The following WHRN variants were observed in gnomAD, a reference collection of about 807,000 sequenced individuals.
The protein encoded by WHRN is CASK-interacting protein CIP98.
WHRN carries 41 observed loss-of-function variants against 68.3 expected under a neutral mutation model. That is an observed-to-expected ratio of 0.60 (90% CI 0.47 to 0.78). The LOEUF (loss-of-function observed/expected upper bound fraction) is 0.78. Among genes scored for constraint, WHRN ranks in the 30% least tolerant of loss-of-function variants. The pLI, the probability that WHRN is intolerant of heterozygous loss-of-function variation, is 0.00. For synonymous variants in WHRN, 560 were observed against 561.3 expected (o/e 1.00, Z 0.03); for missense variants, 1,243 against 1,244.7 (o/e 1.00, Z 0.02).
chr9:114,425,725 G>GT (rs1589111825), intron 4 of WHRN: 2 of 248,790 alleles, frequency 8.0e-6, no homozygotes, highest in East Asian at 2.0e-4. Flanking sequence ...ATCAAAAGGT[G>GT]ACACATTACA....
chr9:114,458,996 C>A (rs574334565), intron 3 of WHRN, among the ~76,000 whole-genome samples: 1 of 152,272 alleles, frequency 6.6e-6, no homozygotes, highest in East Asian at 1.9e-4. Flanking sequence ...GCATCACTTG[C>A]CCAAGGTCAC....
intron 4 of WHRN, chr9:114,425,696 C>G (rs10982212): frequency 0.3 from 68,823 of 232,138 alleles, 10,643 homozygotes; most frequent in Admixed American, 0.38. Context: ...TGGCCACCAG[C>G]CTGAGATTTC....
At chr9:114,439,718 C>T (rs1014817954) in intron 3 of WHRN, among the ~76,000 whole-genome samples, 1 of 152,126 alleles carries the variant, frequency 6.6e-6, no homozygotes, top group Non-Finnish European at 1.5e-5. Flanking sequence ...TGGGTTTAAA[C>T]TGTGTAGGTA....
At chr9:114,483,321 G>A (rs1157150600) in intron 1 of WHRN, among the ~76,000 whole-genome samples, 1 of 152,154 alleles carries the variant, frequency 6.6e-6, no homozygotes, top group Non-Finnish European at 1.5e-5. Flanking sequence ...GCTGTTTAAT[G>A]CCACTAAAAT....
At chr9:114,408,773 T>G (rs1835219476) in intron 7 of WHRN, among the ~76,000 whole-genome samples, 1 of 152,182 alleles carries the variant, frequency 6.6e-6, no homozygotes, top group Non-Finnish European at 1.5e-5. Flanking sequence ...TGGTAAAACA[T>G]TATTTCTGGG....
intron 6 of WHRN, 81 bp from the exon 7 acceptor site, chr9:114,423,604 T>C (rs1836525030): frequency 7.1e-7 from 1 of 1,402,036 alleles, no homozygotes; most frequent in African/African-American, 1.4e-5. Flanking sequence ...CCCAAAGGAC[T>C]GGCATGCAAA....
At chr9:114,412,544 A>G (rs1016391715) in intron 7 of WHRN, among the ~76,000 whole-genome samples, 1 of 152,234 alleles carries the variant, frequency 6.6e-6, no homozygotes, top group Admixed American at 6.5e-5. Context: ...CAGGGCAGAA[A>G]GCTGAACTCT....
Position 114,424,852 on chromosome 9 carries a change from G to C in WHRN, c.1203+136C>G, listed in dbSNP as rs924669193. The C allele has an allele frequency of 3.0e-6, 3 of 1,006,000 alleles. No homozygotes were observed. In the Admixed American group the frequency reaches 5.1e-5, roughly 17 times the overall value. 62.3% of individuals were successfully genotyped at this position (1,006,000 alleles called of 1,614,324 possible). On this transcript the variant is annotated intron_variant, in intron 5 of 11. Coordinates refer to ENST00000362057, the MANE Select transcript of WHRN (RefSeq NM_015404.4). ...CTAGCAGTCAGTCACAGATAAGTGG[G>C]CTGGGGGGTGGGCAGATAAGGGGCT...
chr9:114,486,911 G>A (rs1842517218), intron 1 of WHRN, among the ~76,000 whole-genome samples: 1 of 113,988 alleles, frequency 8.8e-6, no homozygotes, highest in African/African-American at 3.2e-5. Context: ...TGTGTAGAGT[G>A]TGTGTGTGTG....
intron 1 of WHRN, among the ~76,000 whole-genome samples, chr9:114,487,415 C>CT (rs1189728429): frequency 1.3e-5 from 2 of 152,070 alleles, no homozygotes; most frequent in Non-Finnish European, 2.9e-5. Context: ...TCTGCTCCAT[C>CT]TTTTTTTCCA....
At chr9:114,425,353 G>C (rs1836728556) in intron 4 of WHRN, 3 of 602,852 alleles carry the variant, frequency 5.0e-6, no homozygotes, top group Non-Finnish European at 8.8e-6. Flanking sequence ...CAACCTCAGG[G>C]TCAGGCCAAC....
chr9:114,493,936 C>T (rs1406322689), intron 1 of WHRN, among the ~76,000 whole-genome samples: 1 of 152,202 alleles, frequency 6.6e-6, no homozygotes, highest in Non-Finnish European at 1.5e-5. Flanking sequence ...GGCTGTATGC[C>T]GTGCTTCTCC....
intron 1 of WHRN, among the ~76,000 whole-genome samples, chr9:114,501,551 T>TACACACAC (rs59195050): frequency 0.026 from 3,813 of 144,932 alleles, 112 homozygotes; most frequent in East Asian, 0.081. Context: ...TAATTTTTAT[T>TACACACAC]ACACACACAC....
chr9:114,485,524 C>T (rs1219409280), intron 1 of WHRN, among the ~76,000 whole-genome samples: 1 of 150,336 alleles, frequency 6.7e-6, no homozygotes, highest in Non-Finnish European at 1.5e-5. Flanking sequence ...AACCACGTCT[C>T]TACTAAAAAT....
rs146755529 is a variant in WHRN at position 114,462,893 on chromosome 9, A to C, written c.963+3374T>G. Among the ~76,000 whole-genome samples, 988 of 152,340 alleles carry C rather than the reference A, an allele frequency of 6.5e-3. 4 individuals carry two copies. The highest frequency in any genetic ancestry group is 0.01 in the Middle Eastern group (3 of 294). On this transcript the variant is annotated intron_variant, in intron 3 of 11. Coordinates refer to ENST00000362057, the MANE Select transcript of WHRN (RefSeq NM_015404.4). Reference sequence around the variant, plus strand: ...AACTGCTCAATAAAAGGGTAAGAGGATAATAAAAGACACTACTCATCAGTA... The same window carrying C: ...AACTGCTCAATAAAAGGGTAAGAGGCTAATAAAAGACACTACTCATCAGTA...
intron 3 of WHRN, among the ~76,000 whole-genome samples, chr9:114,462,397 C>G (rs1032380587): frequency 6.6e-6 from 1 of 152,156 alleles, no homozygotes; most frequent in African/African-American, 2.4e-5. Flanking sequence ...GAGAAGTCCT[C>G]GGAGATCATC....
intron 3 of WHRN, among the ~76,000 whole-genome samples, chr9:114,439,172 G>A (rs891270669): frequency 1.3e-5 from 2 of 152,156 alleles, no homozygotes; most frequent in Non-Finnish European, 2.9e-5. Context: ...ATGGGGAGTC[G>A]TACTCGGAGT....
intron 1 of WHRN, among the ~76,000 whole-genome samples, chr9:114,495,310 C>T (rs1015311606): frequency 1.3e-5 from 2 of 152,076 alleles, no homozygotes; most frequent in Admixed American, 1.3e-4. Context: ...GGTGGGCAGA[C>T]GAGCAAGACA....
At chr9:114,484,829 C>G (rs1842356594) in intron 1 of WHRN, among the ~76,000 whole-genome samples, 1 of 152,210 alleles carries the variant, frequency 6.6e-6, no homozygotes, top group Non-Finnish European at 1.5e-5. Flanking sequence ...GCAAATTTGC[C>G]TCACTCAGCT....
Sources: allele counts gnomAD v4.1 joint callset (sites outside exome capture counted in the v4.1 genomes callset), GRCh38; gene constraint gnomAD v4.1.1; transcripts MANE v1.5; gene names NCBI Gene and HGNC (gene_info 2026-07-23, HGNC 2026-07-21).